Variants in MYT1 observed in about 807,000 individuals in gnomAD.
The protein encoded by MYT1 is myelin transcription factor I.
In MYT1, 23 loss-of-function variants were observed where a neutral mutation model predicts 123.0. The ratio of observed to expected loss-of-function variants is 0.19; its 90% confidence interval spans 0.13 to 0.26. The LOEUF is 0.26. Ranked by LOEUF, MYT1 falls within the 10% of genes least tolerant of loss-of-function variation. The pLI, the probability that MYT1 is intolerant of heterozygous loss-of-function variation, is 1.00. For synonymous variants in MYT1, 518 were observed against 575.3 expected (o/e 0.90, Z 1.43); for missense variants, 1,125 against 1,472.5 (o/e 0.76, Z 3.86).
In MYT1 at chr20:64,190,982, GCAAGCAAA is replaced by G. The variant is rs1307956200; in HGVS notation, c.-1+826_-1+833del. 3.3e-5 allele frequency among the ~76,000 whole-genome samples: 5 copies of G among 152,140 alleles called. No homozygotes were observed. Among genetic ancestry groups the G allele is most frequent in the Non-Finnish European group, 5.9e-5 (4 of 68,016 alleles). ...AGACTCCATCTCAGAAAACAAGCAA[GCAAGCAAA>G]CAAAAAAAACCCACCAAAATGAAAA... On this transcript the variant is annotated intron_variant, in intron 2 of 22. Transcript: ENST00000328439. This position sits in a 1 kb window ranked among gnomAD's most constrained non-coding sequence, Gnocchi z 4.1.
rs542577926 is a variant in MYT1 at position 64,166,992 on chromosome 20, A to G, written c.-99+2253A>G. ...TCTCCCTGGTGCTGCTCAGAGACTC[A>G]CTCCCTTCCTCTCTGGCCTGGGGTC... On this transcript the variant is annotated intron_variant, in intron 1 of 22. Coordinates refer to ENST00000328439, the MANE Select transcript of MYT1 (RefSeq NM_004535.3). This position sits in a 1 kb window ranked among gnomAD's most constrained non-coding sequence, Gnocchi z 4.9. Among the ~76,000 whole-genome samples the G allele has an allele frequency of 7.3e-5, 11 of 151,560 alleles. No homozygotes were observed. The South Asian group carries it at 2.3e-3, about 32-fold the overall frequency.
At chr20:64,233,562 C>T (rs1376251842) in intron 19 of MYT1, among the ~76,000 whole-genome samples, 4 of 142,214 alleles carry the variant, frequency 2.8e-5, no homozygotes, top group African/African-American at 1.1e-4. Context: ...AAAGCATTTG[C>T]ACCATGTACC....
rs566501031 is a variant in MYT1 at position 64,203,650 on chromosome 20, C to T, written c.87-1385C>T. 3.3e-5 allele frequency among the ~76,000 whole-genome samples: 5 copies of T among 152,302 alleles called. No individual in the cohort carries two copies. The South Asian group carries it at 1.0e-3, about 32-fold the overall frequency. On this transcript the variant is annotated intron_variant, in intron 4 of 22. Coordinates refer to ENST00000328439, the MANE Select transcript of MYT1 (RefSeq NM_004535.3). The surrounding 1 kb of genome is among the most constrained non-coding windows in gnomAD (Gnocchi z 5.1). ...TGCAGAGAACATCCCCCTCCCCCACCCCATGGCTGCTGTTGAGCCAGGGGA... is the reference window on the plus strand; with the variant it reads ...TGCAGAGAACATCCCCCTCCCCCACTCCATGGCTGCTGTTGAGCCAGGGGA...
intron 1 of MYT1, among the ~76,000 whole-genome samples, chr20:64,181,107 G>A (rs879714813): frequency 3.9e-5 from 6 of 152,002 alleles, no homozygotes; most frequent in South Asian, 2.1e-4. Flanking sequence ...TCTAGTTATC[G>A]GTTTTGTTTG....
chr20:64,235,870 G>GGGCTGGCCGTGGTGGGTGACC (rs1984516883), intron 19 of MYT1, among the ~76,000 whole-genome samples: 1 of 75,052 alleles, frequency 1.3e-5, no homozygotes, highest in Non-Finnish European at 2.6e-5. Context: ...GGTGGGTGAC[G>GGGCTGGCCGTGGTGGGTGACC]CTGGGATGGT....
chr20:64,231,548 C>G lies in MYT1; in HGVS notation c.2676-616C>G, dbSNP rs972230044. ...AGTGATTATGGGTAGCGAGTCTCCC[C>G]CACATGAGGTCTGCGTTCTTCCTTC... On this transcript the variant is annotated intron_variant, in intron 18 of 22. Coordinates refer to ENST00000328439, the MANE Select transcript of MYT1 (RefSeq NM_004535.3). This position sits in a 1 kb window ranked among gnomAD's most constrained non-coding sequence, Gnocchi z 6.4. Among the ~76,000 whole-genome samples the G allele has an allele frequency of 1.3e-5, 2 of 152,244 alleles. No homozygotes were observed. Among genetic ancestry groups the G allele is most frequent in the Admixed American group, 6.5e-5 (1 of 15,286 alleles).
In MYT1 at chr20:64,170,934, G is replaced by C. The variant is rs868327043; in HGVS notation, c.-99+6195G>C. ...AGAGAGAGAGAGAGAGAGAGAGAGA[G>C]ACGGAGTCTTGCTCTGTTGGCCTGG... On this transcript the variant is annotated intron_variant, in intron 1 of 22. Transcript: ENST00000328439. Among the ~76,000 whole-genome samples the C allele has an allele frequency of 7.6e-3, 995 of 131,638 alleles. 11 individuals carry two copies. Among genetic ancestry groups the C allele is most frequent in the Middle Eastern group, 0.016 (4 of 248 alleles). The allele number at this position is 131,638 out of a possible 152,430, so 86.4% of individuals were successfully genotyped here. A position where few individuals can be genotyped will look rare whatever the true frequency, so the allele number is the denominator to read the frequency against.
rs200028860 is a variant in MYT1 at position 64,208,121 on chromosome 20, C to T, written c.925C>T (p.Pro309Ser). 22 of 1,611,782 alleles carry T rather than the reference C, an allele frequency of 1.4e-5. 1 individual carries two copies. In the Admixed American group the frequency reaches 3.2e-4, roughly 23 times the overall value. The change falls in exon 7 of 23, where the codon CCT becomes TCT. Residue 309 changes from proline to serine, a missense_variant. By Grantham distance (74) the Pro-to-Ser change is moderately conservative (BLOSUM62 -1). Coordinates refer to ENST00000328439, the MANE Select transcript of MYT1 (RefSeq NM_004535.3). The surrounding 1 kb of genome is among the most constrained non-coding windows in gnomAD (Gnocchi z 5.4). ...GGAAGAGGAGGAGGAGGAGGCAGCT[C>T]CTGATGTGATCTTTCAGGAAGACAC... ...EEEEEEEEAAPDVIFQEDTSH... is the reference protein window; with the variant it reads ...EEEEEEEEAASDVIFQEDTSH...
rs1983170914 is a variant in MYT1, at chr20:64,197,913, G to T, written c.1-949G>T. Among the ~76,000 whole-genome samples, 3 of 152,202 alleles carry T rather than the reference G, an allele frequency of 2.0e-5. No individual in the cohort carries two copies. The South Asian group carries it at 6.2e-4, about 31-fold the overall frequency. ...CAGGCAAGGCAGCCAGGCCCTCGAG[G>T]CCTGGAGAACATATGGGCTGGGGCC... is the stretch of plus-strand genomic sequence containing the variant. On this transcript the variant is annotated intron_variant, in intron 2 of 22. Coordinates refer to ENST00000328439, the MANE Select transcript of MYT1 (RefSeq NM_004535.3).
Position 64,189,518 on chromosome 20 carries a change from C to G in MYT1, c.-98-545C>G, listed in dbSNP as rs112518958. Among the ~76,000 whole-genome samples the G allele has an allele frequency of 7.0e-3, 1,061 of 152,300 alleles. 12 individuals are homozygous for G. Among genetic ancestry groups the G allele is most frequent in the African/African-American group, 0.024 (1,008 of 41,576 alleles). ...AACCAGGGCAAAGAGCATGCTGGGG[C>G]CCCCGGGATCCTGCGGGAGGCAAAG... is the stretch of plus-strand genomic sequence containing the variant. On this transcript the variant is annotated intron_variant, in intron 1 of 22. Transcript: ENST00000328439. This position sits in a 1 kb window ranked among gnomAD's most constrained non-coding sequence, Gnocchi z 5.5.
intron 1 of MYT1, among the ~76,000 whole-genome samples, chr20:64,176,131 C>T (rs79315442): frequency 2.1e-4 from 1 of 4,738 alleles, no homozygotes; most frequent in African/African-American, 2.1e-3. Context: ...GCTTCTCCTG[C>T]AGCATCTTTC....
At position 64,217,115 on chromosome 20, in the gene MYT1, C is replaced by T; in HGVS notation, c.1680C>T (p.Tyr560=). 2 of 1,614,076 alleles carry T rather than the reference C, an allele frequency of 1.2e-6. No homozygotes were observed. The highest frequency in any genetic ancestry group is 1.7e-6 in the Non-Finnish European group (2 of 1,180,014). The change falls in exon 11 of 23, where the codon TAC becomes TAT. Residue 560 remains tyrosine, a synonymous_variant. Coordinates refer to ENST00000328439, the MANE Select transcript of MYT1 (RefSeq NM_004535.3). ...KQLEVPPYGS[Y]RPNVAPATPR... ...TCGAGGTCCCTCCATATGGGAGCTA[C>T]CGGCCCAACGTGGCCCCCGCCACAC... is the stretch of plus-strand genomic sequence containing the variant.
At position 64,221,955 on chromosome 20, in the gene MYT1, G is replaced by A; in HGVS notation, c.2304G>A (p.Glu768=). The change falls in exon 14 of 23, where the codon GAG becomes GAA. Residue 768 remains glutamate, a synonymous_variant. Transcript: ENST00000328439. The part of the protein sequence containing the change: ...SEADDQEVSE[E]NFEERKYPGE... The stretch of plus-strand genomic sequence containing the variant: ...CAGATGACCAGGAAGTGTCGGAAGA[G>A]AATTTTGAGGAGCGGAAGTATCCGG... 6.2e-7 allele frequency: 1 copy of A among 1,613,856 alleles called. No homozygotes were observed. Among genetic ancestry groups the A allele is most frequent in the Non-Finnish European group, 8.5e-7 (1 of 1,180,044 alleles).
In MYT1 at chr20:64,211,217, G is replaced by A. The variant is rs1218489341; in HGVS notation, c.1303G>A (p.Ala435Thr). 3.1e-6 allele frequency: 5 copies of A among 1,613,474 alleles called. No homozygotes were observed. Residue 435 changes from alanine (A) to threonine (T), a missense_variant, in exon 8 of 23, where the codon GCT (alanine) becomes ACT (threonine). Physicochemically the swap from Ala to Thr is moderately conservative, Grantham distance 58 (BLOSUM62 0). Around this residue, in one of 4 missense-constraint regions of MYT1, gnomAD observed 429 missense variants for 604.1 expected, o/e 0.71. Transcript: ENST00000328439. ...CTTGTGTGTTTTAGATCCTTCAAGA[G>A]CTGAGAAGCGTGAGATCAAGTGTCC... ...KSYYSKDPSR[A>T]EKREIKCPTP...
intron 10 of MYT1, among the ~76,000 whole-genome samples, chr20:64,214,316 CGTGT>C (rs1983774822): frequency 6.6e-6 from 1 of 151,132 alleles, no homozygotes; most frequent in African/African-American, 2.4e-5. Flanking sequence ...CACGTGGGAG[CGTGT>C]GTGTGCATGT....
chr20:64,213,481 C>G lies in MYT1; in HGVS notation c.1518-53C>G. The G allele has an allele frequency of 7.0e-7, 1 of 1,438,398 alleles. No individual in the cohort carries two copies. The highest frequency in any genetic ancestry group is 9.8e-7 in the Non-Finnish European group (1 of 1,024,286). The allele number at this position is 1,438,398 out of a possible 1,614,324, so 89.1% of individuals were successfully genotyped here. A position where few individuals can be genotyped will look rare whatever the true frequency, so the allele number is the denominator to read the frequency against. On this transcript the variant is annotated intron_variant, in intron 9 of 22. Transcript: ENST00000328439. The surrounding 1 kb of genome is among the most constrained non-coding windows in gnomAD (Gnocchi z 5.6). ...CACCCACACACACAGACACCCAGGA[C>G]AGGACAGGCATGGAGGGGAAGGCTC...
intron 1 of MYT1, among the ~76,000 whole-genome samples, chr20:64,173,676 T>G (rs878924135): frequency 2.7e-5 from 4 of 146,254 alleles, no homozygotes; most frequent in East Asian, 4.2e-4. Flanking sequence ...CCTCCCTGGC[T>G]TCTCCTCCTG....
intron 1 of MYT1, among the ~76,000 whole-genome samples, chr20:64,181,880 C>T (rs1982661591): frequency 6.6e-6 from 1 of 152,198 alleles, no homozygotes. Flanking sequence ...GTCTGTTTGC[C>T]TCCTAGGGCC....
chr20:64,240,509 C>G lies in MYT1; in HGVS notation c.*61C>G. On this transcript the variant is annotated 3_prime_UTR_variant, in exon 23 of 23. Transcript: ENST00000328439. The stretch of plus-strand genomic sequence containing the variant: ...ACCGTTTACCTCCCTCGCCCTGCCC[C>G]GCACCGTGGGGATGCCCAACTCACA... The G allele has an allele frequency of 6.5e-7, 1 of 1,540,004 alleles. No homozygotes were observed. Among genetic ancestry groups the G allele is most frequent in the Non-Finnish European group, 8.7e-7 (1 of 1,144,874 alleles).
Sources: allele counts gnomAD v4.1 joint callset (sites outside exome capture counted in the v4.1 genomes callset), GRCh38; gene constraint gnomAD v4.1.1; regional missense constraint gnomAD v4.1.1; non-coding constraint Gnocchi (gnomAD v3.1); transcripts MANE v1.5; gene names NCBI Gene and HGNC (gene_info 2026-07-23, HGNC 2026-07-21).